RUFY1: variants seen among roughly 807,000 people sequenced by gnomAD.
RUFY1 encodes the protein RUN and FYVE domain containing 1, also known as RUN and FYVE domain-containing protein 1.
In RUFY1, 54 loss-of-function variants were observed where a neutral mutation model predicts 94.6. The ratio of observed to expected loss-of-function variants is 0.57; its 90% CI spans 0.46 to 0.72. The LOEUF (loss-of-function observed/expected upper bound fraction) is 0.72. Ranked by LOEUF, RUFY1 falls within the 30% of genes least tolerant of loss-of-function variation. The pLI is 0.00. For missense variants in RUFY1, 883 were observed against 883.9 expected (o/e 1.00, Z 0.01); for synonymous variants, 396 against 347.3 (o/e 1.14, Z -1.56).
In RUFY1 at chr5:179,570,422, T is replaced by G. The variant is rs373948587; in HGVS notation, c.828+997T>G. Among the ~76,000 whole-genome samples, 244 of 152,268 alleles carry G rather than the reference T, an allele frequency of 1.6e-3. 4 individuals carry two copies. In the South Asian group the frequency reaches 0.048, roughly 30 times the overall value. ...TCAGGAGAGATTTGGGAAGTCAGGT[T>G]GATAAAATGGCACAAAGGAGAGTAA... On this transcript the variant is annotated intron_variant, in intron 5 of 17. Transcript: ENST00000319449.
chr5:179,578,102 T>C (rs1310565722), intron 6 of RUFY1, among the ~76,000 whole-genome samples: 21 of 152,184 alleles, frequency 1.4e-4, no homozygotes, highest in Admixed American at 1.3e-3. Context: ...CTTACAGGTA[T>C]TTGTTGATCG....
At chr5:179,574,566 A>G (rs1445488693) in intron 5 of RUFY1, among the ~76,000 whole-genome samples, 1 of 152,116 alleles carries the variant, frequency 6.6e-6, no homozygotes, top group African/African-American at 2.4e-5. Context: ...TGACCACTTT[A>G]ACTTTTAGCA....
intron 12 of RUFY1, chr5:179,596,318 CA>C (rs1218488824): frequency 1.7e-6 from 1 of 586,406 alleles, no homozygotes; most frequent in Non-Finnish European, 3.0e-6. Flanking sequence ...ATTACATTCT[CA>C]AAAAGCCAAA....
intron 16 of RUFY1, 107 bp from the exon 17 acceptor site, chr5:179,607,475 C>T (rs1369278838): frequency 6.8e-6 from 6 of 881,040 alleles, no homozygotes; most frequent in Non-Finnish European, 1.1e-5. Context: ...CAGTGCCTCA[C>T]TAGGAAACAG....
intron 4 of RUFY1, among the ~76,000 whole-genome samples, chr5:179,568,498 C>T (rs541616194): frequency 9.7e-4 from 148 of 152,234 alleles, no homozygotes; most frequent in African/African-American, 3.4e-3. Flanking sequence ...TATCTTTACA[C>T]GACAAATACT....
intron 11 of RUFY1, among the ~76,000 whole-genome samples, chr5:179,593,872 CG>C (rs1169055904): frequency 6.6e-6 from 1 of 152,164 alleles, no homozygotes; most frequent in Non-Finnish European, 1.5e-5. Flanking sequence ...CCCCTGGTGA[CG>C]TAGCTTCTAA....
At chr5:179,592,630 C>T (rs1319850611) in intron 10 of RUFY1, among the ~76,000 whole-genome samples, 1 of 152,206 alleles carries the variant, frequency 6.6e-6, no homozygotes, top group East Asian at 1.9e-4. Flanking sequence ...CCGTCATAAC[C>T]TCTGGCCTAT....
chr5:179,607,546 C>T (rs755350529), intron 16 of RUFY1, 36 bp from the exon 17 acceptor site: 3 of 1,595,260 alleles, frequency 1.9e-6, no homozygotes, highest in South Asian at 2.2e-5. Flanking sequence ...GGGGCTTAGA[C>T]AGAAAGTGGA....
chr5:179,579,666 T>C (rs1246330126), intron 6 of RUFY1, among the ~76,000 whole-genome samples: 1 of 92,710 alleles, frequency 1.1e-5, no homozygotes, highest in Non-Finnish European at 2.1e-5. Context: ...TCTTTTTTTT[T>C]TTTTTTTTTT....
At chr5:179,574,126 G>A (rs1005810599) in intron 5 of RUFY1, among the ~76,000 whole-genome samples, 1 of 151,938 alleles carries the variant, frequency 6.6e-6, no homozygotes, top group African/African-American at 2.4e-5. Context: ...TGGAAGGCCG[G>A]GCGTGGTGGC....
At chr5:179,564,567 A>G (rs1581437250) in intron 3 of RUFY1, among the ~76,000 whole-genome samples, 2 of 151,628 alleles carry the variant, frequency 1.3e-5, no homozygotes, top group African/African-American at 4.8e-5. Flanking sequence ...CTGGGACTAT[A>G]GGCTGAGGCA....
intron 15 of RUFY1, among the ~76,000 whole-genome samples, chr5:179,603,959 AG>A (rs1562112134): frequency 2.0e-5 from 3 of 152,222 alleles, no homozygotes; most frequent in African/African-American, 4.8e-5. Context: ...CAGGAGGCTG[AG>A]GCAGGAGAAT....
chr5:179,552,164 C>CAAAAAAAAA lies in RUFY1; in HGVS notation c.310+1300_310+1308dup, dbSNP rs563730431. Among the ~76,000 whole-genome samples, 611 of 73,414 alleles carry CAAAAAAAAA rather than the reference C, an allele frequency of 8.3e-3. 35 individuals are homozygous for CAAAAAAAAA. Among genetic ancestry groups the CAAAAAAAAA allele is most frequent in the Non-Finnish European group, 0.011 (453 of 42,914 alleles). 48.2% of individuals were successfully genotyped at this position (73,414 alleles called of 152,430 possible). A position where few individuals can be genotyped will look rare whatever the true frequency, so the allele number is the denominator to read the frequency against. On this transcript the variant is annotated intron_variant, in intron 1 of 17. Coordinates refer to ENST00000319449, the MANE Select transcript of RUFY1 (RefSeq NM_025158.5). Reference sequence around the variant, plus strand: ...TGGGTGACAGAGCGAGACTCTGTCTCAAAAAAAAAAAAAAAAAAAAAAACT... The same window carrying CAAAAAAAAA: ...TGGGTGACAGAGCGAGACTCTGTCTCAAAAAAAAAAAAAAAAAAAAAAAAAAAAAAAACT...
intron 5 of RUFY1, among the ~76,000 whole-genome samples, chr5:179,571,396 G>A (rs893914249): frequency 6.6e-6 from 1 of 152,028 alleles, no homozygotes; most frequent in Non-Finnish European, 1.5e-5. Flanking sequence ...CTACTCTGGA[G>A]GCTGAGGTGG....
intron 4 of RUFY1, chr5:179,568,961 A>G: frequency 2.4e-6 from 2 of 824,966 alleles, no homozygotes; most frequent in Non-Finnish European, 2.9e-6. Flanking sequence ...ATAAGTGGAG[A>G]AGTAATTCAT....
intron 6 of RUFY1, among the ~76,000 whole-genome samples, chr5:179,579,148 C>CT (rs1341052396): frequency 2.0e-5 from 3 of 152,092 alleles, no homozygotes; most frequent in African/African-American, 7.2e-5. Context: ...CCATGTCTTC[C>CT]TGAGGACTCT....
At chr5:179,571,079 A>C (rs927853332) in intron 5 of RUFY1, among the ~76,000 whole-genome samples, 1 of 152,214 alleles carries the variant, frequency 6.6e-6, no homozygotes, top group African/African-American at 2.4e-5. Context: ...AAATTTAACA[A>C]TATGTTCCAC....
chr5:179,581,837 AC>A (rs1241826225), intron 7 of RUFY1, among the ~76,000 whole-genome samples: 4 of 151,040 alleles, frequency 2.6e-5, no homozygotes, highest in Non-Finnish European at 5.9e-5. Flanking sequence ...AGCACACGTC[AC>A]CCCTCCTGGC....
At chr5:179,572,448 G>C (rs1026250741) in intron 5 of RUFY1, 1 of 187,944 alleles carries the variant, frequency 5.3e-6, no homozygotes, top group East Asian at 1.8e-4. Context: ...TTAGGCCCCC[G>C]AGCATCCCCC....
Sources: allele counts gnomAD v4.1 joint callset (sites outside exome capture counted in the v4.1 genomes callset), GRCh38; gene constraint gnomAD v4.1.1; transcripts MANE v1.5; gene names NCBI Gene and HGNC (gene_info 2026-07-23, HGNC 2026-07-21).